Variants in CFAP44 observed in about 807,000 individuals in gnomAD.
CFAP44 encodes cilia- and flagella-associated protein 44.
Under a neutral mutation model 216.2 loss-of-function variants are expected in CFAP44, and 134 were observed. That is an observed-to-expected ratio of 0.62 (90% CI 0.54 to 0.72). The LOEUF is 0.72. Ranked by LOEUF, CFAP44 falls within the 30% of genes least tolerant of loss-of-function variation. CFAP44 has a pLI of 0.00. For missense variants in CFAP44, 2,035 were observed against 2,182.1 expected, an observed-to-expected ratio of 0.93 and a Z score of 1.34; for synonymous variants, 700 against 727.6, an observed-to-expected ratio of 0.96 and a Z score of 0.61.
At chr3:113,395,443 G>A (rs551923248) in intron 15 of CFAP44, among the ~76,000 whole-genome samples, 17 of 152,286 alleles carry the variant, frequency 1.1e-4, no homozygotes, top group African/African-American at 3.9e-4. Flanking sequence ...TCGACATGCT[G>A]TGCCTGTGGC....
chr3:113,297,644 T>C (rs1257254842), intron 32 of CFAP44, among the ~76,000 whole-genome samples: 1 of 152,200 alleles, frequency 6.6e-6, no homozygotes, highest in Non-Finnish European at 1.5e-5. Context: ...TCTCAATCCA[T>C]TTTTAATTTT....
intron 21 of CFAP44, chr3:113,360,974 G>A: frequency 3.5e-6 from 1 of 282,018 alleles, no homozygotes; most frequent in Non-Finnish European, 7.3e-6. Context: ...TATGAATTTT[G>A]ATGGTGGATT....
chr3:113,318,724 A>G lies in CFAP44; in HGVS notation c.4516+7721T>C, dbSNP rs114215826. The stretch of plus-strand genomic sequence containing the variant: ...GAGAAACCCATCAGGCTAGCAGCAG[A>G]CCTCTGAGCAGAAATCTTACAAGCA... On this transcript the variant is annotated intron_variant, in intron 28 of 34. Transcript: ENST00000393845. Among the ~76,000 whole-genome samples, 1,356 of 152,282 alleles carry G rather than the reference A, an allele frequency of 8.9e-3. 16 individuals carry two copies. The highest frequency in any genetic ancestry group is 0.03 in the African/African-American group (1,265 of 41,556).
intron 24 of CFAP44, among the ~76,000 whole-genome samples, chr3:113,341,463 A>G (rs529681465): frequency 6.6e-6 from 1 of 152,352 alleles, no homozygotes; most frequent in African/African-American, 2.4e-5. Flanking sequence ...TTTGAGATAG[A>G]AAAGCATTTC....
chr3:113,294,513 C>CT, intron 34 of CFAP44, 174 bp downstream of exon 34: 1 of 745,368 alleles, frequency 1.3e-6, no homozygotes, highest in Non-Finnish European at 2.0e-6. Context: ...GTCCCTCAGG[C>CT]CCACTGTAAT....
At position 113,313,310 on chromosome 3, in the gene CFAP44, C is replaced by T. The variant is rs545766039; in HGVS notation, c.4517-5042G>A. Among the ~76,000 whole-genome samples the T allele has an allele frequency of 5.9e-5, 9 of 152,178 alleles. No individual in the cohort carries two copies. The South Asian group carries it at 1.7e-3, about 28-fold the overall frequency. On this transcript the variant is annotated intron_variant, in intron 28 of 34. Coordinates refer to ENST00000393845, the MANE Select transcript of CFAP44 (RefSeq NM_001164496.2). ...AATCTCTTTGTTTTGGTCAATTTAT[C>T]CCATTTGCAATGGCTTTACTTACCC...
rs1006953115 is a variant in CFAP44 at position 113,288,553 on chromosome 3, C to T, written c.*3004G>A. On this transcript the variant is annotated 3_prime_UTR_variant, in exon 35 of 35. Transcript: ENST00000393845. ...ACGCTCTCAGTCATTGCTTTGCTAT[C>T]CAGAGGCCCCCCAATCTGAGCTGTA... is the stretch of plus-strand genomic sequence containing the variant. The T allele has an allele frequency of 2.0e-5, 3 of 152,156 alleles. No individual in the cohort carries two copies. Among genetic ancestry groups the T allele is most frequent in the African/African-American group, 7.2e-5 (3 of 41,426 alleles). 9.4% of individuals were successfully genotyped at this position (152,156 alleles called of 1,614,324 possible). A position where few individuals can be genotyped will look rare whatever the true frequency, so the allele number is the denominator to read the frequency against.
rs372301519 is a variant in CFAP44 at position 113,334,101 on chromosome 3, G to A, written c.3438-518C>T. ...CAAGCAGCTGGGACTACAGGCATGCGCCACCACACCCAGCTAATTTTTGTA... is the reference window on the plus strand; with the variant it reads ...CAAGCAGCTGGGACTACAGGCATGCACCACCACACCCAGCTAATTTTTGTA... On this transcript the variant is annotated intron_variant, in intron 24 of 34. Transcript: ENST00000393845. 1.6e-4 allele frequency among the ~76,000 whole-genome samples: 24 copies of A among 152,056 alleles called. No homozygotes were observed. In the East Asian group the frequency reaches 3.5e-3, roughly 22 times the overall value.
chr3:113,440,208 C>T (rs997749385), intron 1 of CFAP44, among the ~76,000 whole-genome samples: 1 of 152,082 alleles, frequency 6.6e-6, no homozygotes, highest in African/African-American at 2.4e-5. Flanking sequence ...CGATTACAGG[C>T]GCACACCACC....
intron 1 of CFAP44, among the ~76,000 whole-genome samples, chr3:113,440,091 T>C (rs1559951752): frequency 6.6e-6 from 1 of 152,136 alleles, no homozygotes; most frequent in Non-Finnish European, 1.5e-5. Flanking sequence ...TGAGATGGAG[T>C]CTGGCTCTGT....
At chr3:113,406,874 T>A (rs1050129233) in intron 8 of CFAP44, 53 bp downstream of exon 8, 2 of 1,297,918 alleles carry the variant, frequency 1.5e-6, no homozygotes, top group Non-Finnish European at 2.2e-6. Context: ...TGTGCTTTCA[T>A]ATATGTACTT....
chr3:113,338,625 A>C (rs894866758), intron 24 of CFAP44, among the ~76,000 whole-genome samples: 1 of 152,150 alleles, frequency 6.6e-6, no homozygotes, highest in Non-Finnish European at 1.5e-5. Flanking sequence ...GGTCTGATTG[A>C]AAAGTAACAT....
rs981044636 is a variant in CFAP44 at position 113,289,034 on chromosome 3, G to C, written c.*2523C>G. ...TGCTCCTCTGGGAGCACAGCAGAAG[G>C]CAGGGAAGTGTGCCAGGAGCAGGAT... On this transcript the variant is annotated 3_prime_UTR_variant, in exon 35 of 35. Coordinates refer to ENST00000393845, the MANE Select transcript of CFAP44 (RefSeq NM_001164496.2). The C allele has an allele frequency of 6.6e-6, 1 of 152,176 alleles. No individual in the cohort carries two copies. Among genetic ancestry groups the C allele is most frequent in the African/African-American group, 2.4e-5 (1 of 41,430 alleles). The allele number at this position is 152,176 out of a possible 1,614,324, so 9.4% of individuals were successfully genotyped here. A position where few individuals can be genotyped will look rare whatever the true frequency, so the allele number is the denominator to read the frequency against.
Position 113,399,999 on chromosome 3 carries a change from G to C in CFAP44, c.1476C>G (p.Cys492Trp). 1 of 1,556,326 alleles carries C rather than the reference G, an allele frequency of 6.4e-7. No individual in the cohort carries two copies. ...TYLMATTALD[C>W]SVRIYDFASK... Reference sequence around the variant, plus strand: ...TAGCAAAATCATAGATTCGAACAGAGCCTATAGAAAGACAGTTTTAAAAGA... The same window carrying C: ...TAGCAAAATCATAGATTCGAACAGACCCTATAGAAAGACAGTTTTAAAAGA... Residue 492 changes from cysteine (C) to tryptophan (W), a missense_variant and splice_region_variant, in exon 13 of 35, where the codon TGC becomes TGG. By Grantham distance (215) the Cys-to-Trp change is radical (BLOSUM62 -2). This residue lies in a region of CFAP44 where 1,883 missense variants were observed against 2,023.7 expected (regional missense o/e 0.93). Coordinates refer to ENST00000393845, the MANE Select transcript of CFAP44 (RefSeq NM_001164496.2).
rs183093898 is a variant in CFAP44 at position 113,358,738 on chromosome 3, A to T, written c.3065+7T>A. On this transcript the variant is annotated splice_region_variant and intron_variant, in intron 22 of 34. Coordinates refer to ENST00000393845, the MANE Select transcript of CFAP44 (RefSeq NM_001164496.2). ...ACATCTTAGCTTGTAGAGAATATGG[A>T]TCCTACCGATTCTTTAGCTTCATTA... is the stretch of plus-strand genomic sequence containing the variant. 6.5e-7 allele frequency: 1 copy of T among 1,536,428 alleles called. No individual in the cohort carries two copies. Among genetic ancestry groups the T allele is most frequent in the East Asian group, 2.4e-5 (1 of 40,872 alleles).
chr3:113,406,072 G>A (rs1934269321), intron 8 of CFAP44, among the ~76,000 whole-genome samples: 1 of 152,166 alleles, frequency 6.6e-6, no homozygotes, highest in Non-Finnish European at 1.5e-5. Flanking sequence ...GTAAAATATT[G>A]ATAGAGAACT....
In CFAP44 at chr3:113,400,009, A is replaced by T. The variant is rs1214546079; in HGVS notation, c.1475-9T>A. ...ATAGATTCGAACAGAGCCTATAGAA[A>T]GACAGTTTTAAAAGAAAAAAAATTA... On this transcript the variant is annotated splice_polypyrimidine_tract_variant and intron_variant, in intron 12 of 34. Transcript: ENST00000393845. 1.4e-5 allele frequency: 21 copies of T among 1,536,030 alleles called. No homozygotes were observed. The highest frequency in any genetic ancestry group is 1.8e-5 in the Non-Finnish European group (21 of 1,147,110).
intron 1 of CFAP44, among the ~76,000 whole-genome samples, chr3:113,438,810 A>G (rs1438721160): frequency 6.6e-6 from 1 of 152,110 alleles, no homozygotes; most frequent in African/African-American, 2.4e-5. Context: ...GTTGGCTCTC[A>G]TTTCTCTCCA....
At chr3:113,345,564 A>G (rs1158715920) in intron 22 of CFAP44, among the ~76,000 whole-genome samples, 1 of 152,202 alleles carries the variant, frequency 6.6e-6, no homozygotes, top group Admixed American at 6.5e-5. Flanking sequence ...GTCCCAATCT[A>G]TCAGATTCCC....
Sources: allele counts gnomAD v4.1 joint callset (sites outside exome capture counted in the v4.1 genomes callset), GRCh38; gene constraint gnomAD v4.1.1; regional missense constraint gnomAD v4.1.1; transcripts MANE v1.5; gene names NCBI Gene and HGNC (gene_info 2026-07-23, HGNC 2026-07-21).